Variants in DTNA observed in about 807,000 individuals in gnomAD.
The protein encoded by DTNA is dystrophin-related protein 3.
A neutral mutation model predicts 100.7 loss-of-function variants in DTNA; 43 were observed. The ratio of observed to expected loss-of-function variants is 0.43; its 90% CI spans 0.33 to 0.55. The LOEUF (loss-of-function observed/expected upper bound fraction) is 0.55. DTNA is among the 20% of genes least tolerant of loss of function. The pLI is 0.04. For synonymous variants in DTNA, 349 were observed against 347.9 expected (o/e 1.00, Z -0.04); for missense variants, 798 against 953.9 (o/e 0.84, Z 2.15).
chr18:34,676,102 G>T (rs2077365870), intron 1 of DTNA, among the ~76,000 whole-genome samples: 1 of 152,156 alleles, frequency 6.6e-6, no homozygotes, highest in Non-Finnish European at 1.5e-5. Flanking sequence ...GGGCTGAGAG[G>T]ACCACATATC....
intron 1 of DTNA, among the ~76,000 whole-genome samples, chr18:34,510,093 G>GTGT (rs71159875): frequency 6.7e-6 from 1 of 148,406 alleles, no homozygotes; most frequent in African/African-American, 2.5e-5. Context: ...GTGTGTGTGT[G>GTGT]GTTTTTTTGG....
At chr18:34,685,671 G>A (rs2078785603) in intron 1 of DTNA, among the ~76,000 whole-genome samples, 1 of 152,094 alleles carries the variant, frequency 6.6e-6, no homozygotes. Flanking sequence ...CTAATTCTGT[G>A]AAGAAAATCA....
At position 34,865,282 on chromosome 18, in the gene DTNA, C is replaced by CTT. The variant is rs71927925; in HGVS notation, c.1743+1227_1743+1228dup. Reference sequence around the variant, plus strand: ...TTTTTTTTGTCTGTCCTTTCTTTCTCTTTTTTTTGTCTACCTTTCTCTTTT... The same window carrying CTT: ...TTTTTTTTGTCTGTCCTTTCTTTCTCTTTTTTTTTTGTCTACCTTTCTCTTTT... On this transcript the variant is annotated intron_variant, in intron 17 of 22. Transcript: ENST00000444659. Among the ~76,000 whole-genome samples the CTT allele has an allele frequency of 6.9e-3, 1,047 of 151,662 alleles. 15 individuals carry two copies. Among genetic ancestry groups the CTT allele is most frequent in the African/African-American group, 0.024 (992 of 41,246 alleles).
intron 1 of DTNA, among the ~76,000 whole-genome samples, chr18:34,650,631 C>A (rs186215104): frequency 5.9e-5 from 9 of 152,256 alleles, no homozygotes; most frequent in Admixed American, 2.6e-4. Context: ...ATTCAATAAA[C>A]ATTTATTGAG....
At chr18:34,790,755 A>G (rs1236445931) in intron 3 of DTNA, among the ~76,000 whole-genome samples, 1 of 151,998 alleles carries the variant, frequency 6.6e-6, no homozygotes, top group Non-Finnish European at 1.5e-5. Context: ...CTCTGGCTGC[A>G]GTGAGTAGAA....
At chr18:34,718,449 T>A (rs1284483819) in intron 1 of DTNA, among the ~76,000 whole-genome samples, 1 of 152,188 alleles carries the variant, frequency 6.6e-6, no homozygotes, top group Non-Finnish European at 1.5e-5. Context: ...AATTTATGAT[T>A]TGGGTACATT....
At chr18:34,885,166 C>A (rs566780581) in intron 22 of DTNA, among the ~76,000 whole-genome samples, 9 of 152,280 alleles carry the variant, frequency 5.9e-5, no homozygotes, top group Non-Finnish European at 1.2e-4. Context: ...AGAGATGGGC[C>A]AGCTTGTTAG....
chr18:34,862,521 A>G (rs2096642350), intron 16 of DTNA, among the ~76,000 whole-genome samples: 2 of 152,208 alleles, frequency 1.3e-5, no homozygotes, highest in African/African-American at 2.4e-5. Flanking sequence ...GAAGAAGCCT[A>G]TAAGAAAGTG....
intron 17 of DTNA, among the ~76,000 whole-genome samples, chr18:34,871,617 C>G (rs935824775): frequency 2.0e-5 from 3 of 152,170 alleles, no homozygotes; most frequent in Non-Finnish European, 4.4e-5. Context: ...AGGCCACCAT[C>G]CCACCGAGGC....
chr18:34,829,510 T>C (rs2095948772), intron 11 of DTNA, 21 bp downstream of exon 11: 2 of 1,497,528 alleles, frequency 1.3e-6, no homozygotes, highest in African/African-American at 2.8e-5. Flanking sequence ...CAGCCCTGAA[T>C]TGCTAATCGT....
chr18:34,670,913 A>T (rs1238134530), intron 1 of DTNA, among the ~76,000 whole-genome samples: 6 of 152,102 alleles, frequency 3.9e-5, no homozygotes. Flanking sequence ...CAGATCTCAA[A>T]CTCTGTACTG....
At chr18:34,516,213 G>C (rs745503539) in intron 1 of DTNA, among the ~76,000 whole-genome samples, 8 of 152,128 alleles carry the variant, frequency 5.3e-5, no homozygotes, top group Non-Finnish European at 1.0e-4. Context: ...CAGGTTCCAT[G>C]ATGCCCCTCA....
chr18:34,668,340 C>T (rs1397141403), intron 1 of DTNA, among the ~76,000 whole-genome samples: 8 of 152,020 alleles, frequency 5.3e-5, no homozygotes, highest in Non-Finnish European at 1.2e-4. Context: ...GTCTTGCTAG[C>T]GGTCTATCAA....
At chr18:34,646,581 A>G (rs1263813426) in intron 1 of DTNA, among the ~76,000 whole-genome samples, 2 of 152,246 alleles carry the variant, frequency 1.3e-5, no homozygotes, top group African/African-American at 2.4e-5. Context: ...TTTAGAAGCA[A>G]TATGACATCG....
At chr18:34,861,329 C>T (rs560109666) in intron 16 of DTNA, among the ~76,000 whole-genome samples, 1 of 151,538 alleles carries the variant, frequency 6.6e-6, no homozygotes, top group South Asian at 2.1e-4. Flanking sequence ...ACTAAAAATA[C>T]AAAAATATTA....
chr18:34,810,690 A>T (rs2095469565), intron 5 of DTNA, among the ~76,000 whole-genome samples: 1 of 152,206 alleles, frequency 6.6e-6, no homozygotes, highest in Non-Finnish European at 1.5e-5. Context: ...CTGGAAGAGA[A>T]GATGTTGAAT....
At chr18:34,559,395 C>G (rs961546996) in intron 1 of DTNA, among the ~76,000 whole-genome samples, 1 of 152,062 alleles carries the variant, frequency 6.6e-6, no homozygotes, top group Admixed American at 6.6e-5. Flanking sequence ...ACTGAATGGG[C>G]GTTTAAATGT....
intron 17 of DTNA, chr18:34,868,775 A>T: frequency 2.0e-6 from 2 of 984,984 alleles, no homozygotes; most frequent in Non-Finnish European, 2.4e-6. Flanking sequence ...GATGATTATG[A>T]TATCACAAGC....
intron 3 of DTNA, among the ~76,000 whole-genome samples, chr18:34,777,662 G>A (rs908293693): frequency 6.6e-6 from 1 of 152,158 alleles, no homozygotes; most frequent in African/African-American, 2.4e-5. Context: ...TCTTCACAAG[G>A]CAGCAGGAGA....
Sources: gnomAD v4.1 joint callset for allele counts (sites outside exome capture counted in the v4.1 genomes callset) on GRCh38, gnomAD v4.1.1 for gene constraint, MANE v1.5 for transcripts, NCBI Gene and HGNC (gene_info 2026-07-23, HGNC 2026-07-21) for gene names.